The following FGF14 variants were observed in gnomAD, a reference collection of about 807,000 sequenced individuals.
FGF14 encodes fibroblast growth factor 14, also known as fibroblast growth factor homologous factor 4.
FGF14 carries 5 observed loss-of-function variants against 25.5 expected under a neutral mutation model. The ratio of observed to expected loss-of-function variants is 0.20; its 90% confidence interval spans 0.10 to 0.41. The LOEUF (loss-of-function observed/expected upper bound fraction) is 0.41, where lower values mean the gene tolerates loss of function less well. Ranked by LOEUF, FGF14 falls within the 10% of genes least tolerant of loss-of-function variation. FGF14 has a pLI of 1.00. For synonymous variants in FGF14, 138 were observed against 118.3 expected (o/e 1.17, Z -1.08); for missense variants, 222 against 320.1 (o/e 0.69, Z 2.34).
chr13:101,953,581 T>TAC (rs2036314268), intron 1 of FGF14, among the ~76,000 whole-genome samples: 1 of 149,794 alleles, frequency 6.7e-6, no homozygotes. Flanking sequence ...TATATATATA[T>TAC]ATATATAATT....
At chr13:102,050,952 T>G (rs1370642739) in intron 1 of FGF14, among the ~76,000 whole-genome samples, 1 of 152,210 alleles carries the variant, frequency 6.6e-6, no homozygotes, top group Non-Finnish European at 1.5e-5. Context: ...CAGCCATTCT[T>G]GATGGGGAAC....
intron 3 of FGF14, among the ~76,000 whole-genome samples, chr13:101,746,922 G>T (rs1457110041): frequency 6.6e-6 from 1 of 151,966 alleles, no homozygotes; most frequent in East Asian, 1.9e-4. Context: ...GCAAGAAACA[G>T]CATTCTACAC....
chr13:101,805,818 C>A (rs969749111), intron 3 of FGF14, among the ~76,000 whole-genome samples: 6 of 151,796 alleles, frequency 4.0e-5, no homozygotes, highest in Non-Finnish European at 8.8e-5. Context: ...CCACCCAAGT[C>A]AAAAAACACT....
At chr13:101,770,503 T>TAGTATTAGTCCTATTATCTC (rs2038703816) in intron 3 of FGF14, among the ~76,000 whole-genome samples, 1 of 152,122 alleles carries the variant, frequency 6.6e-6, no homozygotes, top group Admixed American at 6.6e-5. Flanking sequence ...CCTGAAATAC[T>TAGTATTAGTCCTATTATCTC]AGTATTAGTC....
Position 101,713,719 on chromosome 13 carries a change from G to C in FGF14, c.*9112C>G, listed in dbSNP as rs1024808438. On this transcript the variant is annotated 3_prime_UTR_variant, in exon 5 of 5. Transcript: ENST00000376143. The stretch of plus-strand genomic sequence containing the variant: ...CATTAATAAAATTTTTACTCAGTAA[G>C]TAAAGATATTTTAAATAACCAAAGA... 3 of 151,968 alleles carry C rather than the reference G, an allele frequency of 2.0e-5. No homozygotes were observed. Among genetic ancestry groups the C allele is most frequent in the African/African-American group, 7.2e-5 (3 of 41,388 alleles). 9.4% of individuals were successfully genotyped at this position (151,968 alleles called of 1,614,324 possible). A position where few individuals can be genotyped will look rare whatever the true frequency, so the allele number is the denominator to read the frequency against.
At chr13:102,029,231 A>C (rs764309795) in intron 1 of FGF14, among the ~76,000 whole-genome samples, 4 of 152,048 alleles carry the variant, frequency 2.6e-5, no homozygotes, top group Non-Finnish European at 5.9e-5. Flanking sequence ...AGACGTTCTT[A>C]TGTTTTAAAA....
intron 1 of FGF14, among the ~76,000 whole-genome samples, chr13:102,067,074 A>G (rs1165419143): frequency 6.6e-6 from 1 of 152,204 alleles, no homozygotes; most frequent in Non-Finnish European, 1.5e-5. Context: ...ATGTTTCTGG[A>G]GCATAGCAGG....
chr13:101,954,731 C>T (rs539400490), intron 1 of FGF14, among the ~76,000 whole-genome samples: 254 of 151,938 alleles, frequency 1.7e-3, no homozygotes, highest in African/African-American at 5.6e-3. Context: ...TGCTTGTGCA[C>T]GAGTGTGTGC....
At chr13:102,037,221 A>T (rs1449994158) in intron 1 of FGF14, among the ~76,000 whole-genome samples, 1 of 152,118 alleles carries the variant, frequency 6.6e-6, no homozygotes, top group Non-Finnish European at 1.5e-5. Flanking sequence ...AAATTATCAT[A>T]AACTTAGTGG....
At chr13:101,904,248 G>C (rs116190201) in intron 1 of FGF14, among the ~76,000 whole-genome samples, 1,544 of 152,300 alleles carry the variant, frequency 0.01, 23 homozygotes, top group African/African-American at 0.035. Flanking sequence ...ACACCATGAA[G>C]AGTGGCAGTT....
chr13:102,096,522 C>A (rs1035431190), intron 1 of FGF14, among the ~76,000 whole-genome samples: 1 of 151,898 alleles, frequency 6.6e-6, no homozygotes, highest in Non-Finnish European at 1.5e-5. Flanking sequence ...ACTTAATATG[C>A]GCTATGATGA....
In FGF14 at chr13:102,171,964, C is replaced by G. The variant is rs1022713688; in HGVS notation, c.208+229507G>C. ...GAAATTTTGCAAAAAAAGATATGCA[C>G]TTACCATGTATTTATTTATTTATTT... On this transcript the variant is annotated intron_variant, in intron 1 of 4. Coordinates refer to the FGF14 transcript ENST00000376131. 3.5e-5 allele frequency among the ~76,000 whole-genome samples: 5 copies of G among 141,466 alleles called. No homozygotes were observed. In the East Asian group the frequency reaches 9.9e-4, roughly 28 times the overall value. The allele number at this position is 141,466 out of a possible 152,430, so 92.8% of individuals were successfully genotyped here. A position where few individuals can be genotyped will look rare whatever the true frequency, so the allele number is the denominator to read the frequency against.
chr13:102,095,921 C>T (rs2044372490), intron 1 of FGF14, among the ~76,000 whole-genome samples: 1 of 151,410 alleles, frequency 6.6e-6, no homozygotes, highest in African/African-American at 2.4e-5. Flanking sequence ...GTGAGTGGGT[C>T]AGCACCCCAA....
chr13:101,777,734 G>T (rs116294684), intron 3 of FGF14, among the ~76,000 whole-genome samples: 3,631 of 152,226 alleles, frequency 0.024, 98 homozygotes, highest in African/African-American at 0.058. Flanking sequence ...TGCCGAGGCG[G>T]GTGGATCACC....
At chr13:101,888,736 A>G (rs2046119426) in intron 1 of FGF14, among the ~76,000 whole-genome samples, 1 of 152,202 alleles carries the variant, frequency 6.6e-6, no homozygotes, top group African/African-American at 2.4e-5. Context: ...AGACAACTGT[A>G]AAGGACCACA....
At chr13:101,946,237 T>C (rs548197481) in intron 1 of FGF14, among the ~76,000 whole-genome samples, 2 of 151,986 alleles carry the variant, frequency 1.3e-5, no homozygotes, top group Non-Finnish European at 1.5e-5. Flanking sequence ...GAGCTGACTC[T>C]TCCAGGCAGT....
chr13:102,097,864 T>G (rs7329591), intron 1 of FGF14, among the ~76,000 whole-genome samples: 58,451 of 152,080 alleles, frequency 0.38, 13,449 homozygotes, highest in Non-Finnish European at 0.51. Flanking sequence ...TCCCTGCTGA[T>G]ATCTGTGAGA....
intron 1 of FGF14, among the ~76,000 whole-genome samples, chr13:102,332,736 G>A (rs1177931678): frequency 1.3e-5 from 2 of 152,048 alleles, no homozygotes; most frequent in African/African-American, 4.8e-5. Context: ...AAGTATGTCA[G>A]TTATTAATAA....
chr13:102,109,610 GTTTT>G (rs1191056842), intron 1 of FGF14, among the ~76,000 whole-genome samples: 1 of 151,808 alleles, frequency 6.6e-6, no homozygotes, highest in Non-Finnish European at 1.5e-5. Context: ...TGCTTGATAA[GTTTT>G]TTGTTTGTTT....
Sources: allele counts gnomAD v4.1 joint callset (sites outside exome capture counted in the v4.1 genomes callset), GRCh38; gene constraint gnomAD v4.1.1; transcripts MANE v1.5; gene names NCBI Gene and HGNC (gene_info 2026-07-23, HGNC 2026-07-21).